PLEKHH1: variants seen among roughly 807,000 people sequenced by gnomAD.
PLEKHH1 encodes the protein pleckstrin homology domain-containing family H member 1.
PLEKHH1 carries 104 observed loss-of-function variants against 160.0 expected under a neutral mutation model. The ratio of observed to expected loss-of-function variants is 0.65; its 90% CI spans 0.55 to 0.76. The LOEUF (loss-of-function observed/expected upper bound fraction) is 0.76, where lower values mean the gene tolerates loss of function less well. PLEKHH1 is among the 30% of genes least tolerant of loss of function. The pLI is 0.00. For missense variants in PLEKHH1, 1,427 were observed against 1,724.1 expected (o/e 0.83, Z 3.05); for synonymous variants, 619 against 678.4 (o/e 0.91, Z 1.36).
At chr14:67,540,848 C>CTT (rs2033937504) in intron 1 of PLEKHH1, among the ~76,000 whole-genome samples, 1 of 152,164 alleles carries the variant, frequency 6.6e-6, no homozygotes, top group Non-Finnish European at 1.5e-5. Context: ...CCCTCTCTCT[C>CTT]ATGCACACTC....
intron 2 of PLEKHH1, among the ~76,000 whole-genome samples, chr14:67,544,377 C>T (rs970375903): frequency 6.6e-6 from 1 of 152,090 alleles, no homozygotes; most frequent in Non-Finnish European, 1.5e-5. Flanking sequence ...CTGGTAGGGA[C>T]AGAAACAAAA....
rs2035620353 is a variant in PLEKHH1 at position 67,576,339 on chromosome 14, C to G, written c.2353-56C>G. 2 of 998,042 alleles carry G rather than the reference C, an allele frequency of 2.0e-6. No individual in the cohort carries two copies. The highest frequency in any genetic ancestry group is 4.0e-5 in the Admixed American group (2 of 50,288). 61.8% of individuals were successfully genotyped at this position (998,042 alleles called of 1,614,324 possible). A position where few individuals can be genotyped will look rare whatever the true frequency, so the allele number is the denominator to read the frequency against. ...CCTTCAAGGAGTCCTCCTTGGAGCTCTTGCCTCCACTCTTCCCACCCCGTC... is the reference window on the plus strand; with the variant it reads ...CCTTCAAGGAGTCCTCCTTGGAGCTGTTGCCTCCACTCTTCCCACCCCGTC... On this transcript the variant is annotated intron_variant, in intron 16 of 28. Transcript: ENST00000329153. This position sits in a 1 kb window ranked among gnomAD's most constrained non-coding sequence, Gnocchi z 4.0.
rs537981393 is a variant in PLEKHH1, at chr14:67,572,188, G to T, written c.1639G>T (p.Ala547Ser). ...GGGTGACTACGCCATCCCCCCGGAC[G>T]CCTGCTCACTGGACAGTGACTACTC... ...SEGDYAIPPDACSLDSDYSEP... is the reference protein window; with the variant it reads ...SEGDYAIPPDSCSLDSDYSEP... The change falls in exon 11 of 29, where the codon GCC becomes TCC. Residue 547 changes from alanine to serine, a missense_variant. Physicochemically the swap from Ala to Ser is moderately conservative, Grantham distance 99. Around this residue, in one of 6 missense-constraint regions of PLEKHH1, gnomAD observed 831 missense variants for 929.2 expected, o/e 0.89. Coordinates refer to ENST00000329153, the MANE Select transcript of PLEKHH1 (RefSeq NM_020715.3). 1.2e-6 allele frequency: 2 copies of T among 1,608,312 alleles called. No homozygotes were observed. Among genetic ancestry groups the T allele is most frequent in the Non-Finnish European group, 1.7e-6 (2 of 1,177,600 alleles).
Position 67,575,451 on chromosome 14 carries a change from C to A in PLEKHH1, c.2148C>A (p.Tyr716Ter). The change falls in exon 15 of 29, where the codon TAC becomes TAA. Residue 716 changes from tyrosine (Y) to a stop codon, truncating the protein, a stop_gained. Coordinates refer to ENST00000329153, the MANE Select transcript of PLEKHH1 (RefSeq NM_020715.3). LOFTEE classifies it high-confidence loss of function. ...WCALVGKIFY[Y>*]YRSHEDKRPL... Reference sequence around the variant, plus strand: ...CTCTTGTTGGGAAAATCTTCTACTACTATCGGAGCCATGAGGACAAGGTAC... The same window carrying A: ...CTCTTGTTGGGAAAATCTTCTACTAATATCGGAGCCATGAGGACAAGGTAC... 6.2e-7 allele frequency: 1 copy of A among 1,606,016 alleles called. No individual in the cohort carries two copies. The highest frequency in any genetic ancestry group is 8.5e-7 in the Non-Finnish European group (1 of 1,175,448).
At chr14:67,562,982 A>G in intron 7 of PLEKHH1, 88 bp downstream of exon 7, 2 of 1,369,232 alleles carry the variant, frequency 1.5e-6, no homozygotes, top group Admixed American at 4.8e-5. Context: ...TGAGCAGGAG[A>G]GGAGGCTGCT....
intron 21 of PLEKHH1, 79 bp from the exon 22 acceptor site, chr14:67,579,642 G>A (rs2035796150): frequency 1.4e-6 from 2 of 1,412,398 alleles, no homozygotes; most frequent in Non-Finnish European, 1.9e-6. Context: ...TCCACCTGCT[G>A]TATCCAGACA....
At position 67,570,039 on chromosome 14, in the gene PLEKHH1, G is replaced by C. The variant is rs962910684; in HGVS notation, c.1434+27G>C. The C allele has an allele frequency of 4.1e-6, 6 of 1,446,794 alleles. No individual in the cohort carries two copies. The Admixed American group carries it at 1.1e-4, about 27-fold the overall frequency. 89.6% of individuals were successfully genotyped at this position (1,446,794 alleles called of 1,614,324 possible). A position where few individuals can be genotyped will look rare whatever the true frequency, so the allele number is the denominator to read the frequency against. On this transcript the variant is annotated intron_variant, in intron 9 of 28. Coordinates refer to ENST00000329153, the MANE Select transcript of PLEKHH1 (RefSeq NM_020715.3). ...TAAGAAACTGCTGCACAAAGAGGGG[G>C]TGTCTCATCAGGAAAGGCCCCTGGC... is the stretch of plus-strand genomic sequence containing the variant.
chr14:67,581,131 G>C (rs762945510), intron 23 of PLEKHH1, 93 bp downstream of exon 23: 8 of 794,596 alleles, frequency 1.0e-5, no homozygotes, highest in South Asian at 4.4e-5. Flanking sequence ...TATCCAGACG[G>C]GGGGAGGGAC....
rs2036224652 is a variant in PLEKHH1, at chr14:67,587,470, GAAT to G, written c.*239_*241del. The G allele has an allele frequency of 1.8e-6, 1 of 555,796 alleles. No homozygotes were observed. The highest frequency in any genetic ancestry group is 1.9e-5 in the African/African-American group (1 of 52,848). 34.4% of individuals were successfully genotyped at this position (555,796 alleles called of 1,614,324 possible). A position where few individuals can be genotyped will look rare whatever the true frequency, so the allele number is the denominator to read the frequency against. On this transcript the variant is annotated 3_prime_UTR_variant, in exon 29 of 29. Transcript: ENST00000329153. ...AAACCATTTATTCCTTTTTTCATAA[GAAT>G]AATGACTCCAGATGCTACCTGATTC...
chr14:67,581,186 C>T (rs539113304), intron 23 of PLEKHH1, 148 bp downstream of exon 23: 154 of 617,806 alleles, frequency 2.5e-4, no homozygotes, highest in Middle Eastern at 4.4e-4. Flanking sequence ...GGGGTGCAGG[C>T]GGGCTCTGCT....
rs1594792738 is a variant in PLEKHH1 at position 67,581,778 on chromosome 14, A to C, written c.3285-291A>C. 1.5e-4 allele frequency: 51 copies of C among 351,014 alleles called. No individual in the cohort carries two copies. The South Asian group carries it at 1.6e-3, about 11-fold the overall frequency. 21.7% of individuals were successfully genotyped at this position (351,014 alleles called of 1,614,324 possible). A position where few individuals can be genotyped will look rare whatever the true frequency, so the allele number is the denominator to read the frequency against. ...AGTCTCTTGGACTCTTACCTCATCCAGTCCCCTAATCTATAACTCCAGGTA... is the reference window on the plus strand; with the variant it reads ...AGTCTCTTGGACTCTTACCTCATCCCGTCCCCTAATCTATAACTCCAGGTA... On this transcript the variant is annotated intron_variant, in intron 23 of 28. Coordinates refer to ENST00000329153, the MANE Select transcript of PLEKHH1 (RefSeq NM_020715.3).
chr14:67,587,160 C>T lies in PLEKHH1; in HGVS notation c.4020C>T (p.Cys1340=), dbSNP rs772396371. The change falls in exon 29 of 29, where the codon TGC becomes TGT. Residue 1340 remains cysteine, a synonymous_variant. Transcript: ENST00000329153. The part of the protein sequence containing the change: ...VNPPTNPPGA[C]QLWELDGRQF... ...CCCCCACCAACCCACCCGGAGCCTG[C>T]CAGCTGTGGGAACTGGATGGACGAC... 3 of 1,613,948 alleles carry T rather than the reference C, an allele frequency of 1.9e-6. No homozygotes were observed. The highest frequency in any genetic ancestry group is 2.5e-6 in the Non-Finnish European group (3 of 1,179,854).
intron 4 of PLEKHH1, among the ~76,000 whole-genome samples, chr14:67,557,985 C>T (rs903778774): frequency 2.0e-5 from 3 of 152,216 alleles, no homozygotes; most frequent in Non-Finnish European, 2.9e-5. Context: ...GAGGCAGAGA[C>T]CAAAGTTGTT....
At position 67,562,895 on chromosome 14, in the gene PLEKHH1, G is replaced by T. The variant is rs1431390591; in HGVS notation, c.1263+1G>T. 1 of 1,611,078 alleles carries T rather than the reference G, an allele frequency of 6.2e-7. No individual in the cohort carries two copies. The highest frequency in any genetic ancestry group is 1.7e-5 in the Admixed American group (1 of 59,830). On this transcript the variant is annotated splice_donor_variant, in intron 7 of 28. Coordinates refer to ENST00000329153, the MANE Select transcript of PLEKHH1 (RefSeq NM_020715.3). LOFTEE classifies it high-confidence loss of function. ...CCCGCTGCACCAGTTTTCATCCTGGGTAAGAGGCAACCTCCGGGCTGGGCA... is the reference window on the plus strand; with the variant it reads ...CCCGCTGCACCAGTTTTCATCCTGGTTAAGAGGCAACCTCCGGGCTGGGCA...
In PLEKHH1 at chr14:67,571,907, A is replaced by T; in HGVS notation, c.1585+5A>T. On this transcript the variant is annotated splice_donor_5th_base_variant and intron_variant, in intron 10 of 28. Coordinates refer to ENST00000329153, the MANE Select transcript of PLEKHH1 (RefSeq NM_020715.3). ...GCCCCCGGGCCATCAAGAGAGGTAC[A>T]GAGAAGGGGAGCAGGGGCAGGGTGC... 6.2e-7 allele frequency: 1 copy of T among 1,603,880 alleles called. No individual in the cohort carries two copies. Among genetic ancestry groups the T allele is most frequent in the Non-Finnish European group, 8.5e-7 (1 of 1,174,874 alleles).
rs2034808510 is a variant in PLEKHH1 at position 67,560,910 on chromosome 14, T to C, written c.424-1044T>C. 2.0e-5 allele frequency among the ~76,000 whole-genome samples: 3 copies of C among 152,112 alleles called. No individual in the cohort carries two copies. The South Asian group carries it at 6.2e-4, about 32-fold the overall frequency. ...CACGCCTGGCTAATTTTTGTACTTT[T>C]GGTAGAGACGGGGTTTCGTTATGTT... On this transcript the variant is annotated intron_variant, in intron 5 of 28. Transcript: ENST00000329153.
At chr14:67,534,676 G>A (rs1883567274) in intron 1 of PLEKHH1, among the ~76,000 whole-genome samples, 1 of 152,074 alleles carries the variant, frequency 6.6e-6, no homozygotes, top group Admixed American at 6.5e-5. Context: ...GGTGCAGCCT[G>A]TGGCCCCAAA....
rs916931503 is a variant in PLEKHH1 at position 67,579,001 on chromosome 14, G to C, written c.2850-133G>C. The C allele has an allele frequency of 8.2e-5, 55 of 666,970 alleles. 1 individual carries two copies. The highest frequency in any genetic ancestry group is 1.4e-4 in the South Asian group (8 of 58,666). The allele number at this position is 666,970 out of a possible 1,614,324, so 41.3% of individuals were successfully genotyped here. On this transcript the variant is annotated intron_variant, in intron 20 of 28. Transcript: ENST00000329153. ...AATGACAAATTAATGTCCCAGACCA[G>C]AGTCTTCAGGGCTTTTCTCACAACC...
intron 2 of PLEKHH1, among the ~76,000 whole-genome samples, chr14:67,553,084 T>G (rs1170375439): frequency 6.6e-6 from 1 of 152,090 alleles, no homozygotes; most frequent in Admixed American, 6.5e-5. Context: ...TATCCTTTAC[T>G]CCACCTTGGT....
Sources: allele counts gnomAD v4.1 joint callset (sites outside exome capture counted in the v4.1 genomes callset), GRCh38; gene constraint gnomAD v4.1.1; regional missense constraint gnomAD v4.1.1; non-coding constraint Gnocchi (gnomAD v3.1); transcripts MANE v1.5; gene names NCBI Gene and HGNC (gene_info 2026-07-23, HGNC 2026-07-21).